The following KCNJ6 variants were observed in gnomAD, a reference collection of about 807,000 sequenced individuals.
KCNJ6 encodes potassium inwardly rectifying channel subfamily J member 6.
A neutral mutation model predicts 34.2 loss-of-function variants in KCNJ6; 9 were observed. The observed-to-expected ratio is 0.26, with a 90% confidence interval of 0.16 to 0.46. The LOEUF (loss-of-function observed/expected upper bound fraction) is 0.46, where lower values mean the gene tolerates loss of function less well. Ranked by LOEUF, KCNJ6 falls within the 20% of genes least tolerant of loss-of-function variation. KCNJ6 has a pLI of 1.00. For synonymous variants in KCNJ6, 196 were observed against 207.1 expected (o/e 0.95, Z 0.46); for missense variants, 236 against 531.3 (o/e 0.44, Z 5.46).
intron 3 of KCNJ6, among the ~76,000 whole-genome samples, chr21:37,713,170 G>T (rs2054771423): frequency 6.6e-6 from 1 of 152,128 alleles, no homozygotes; most frequent in Non-Finnish European, 1.5e-5. Flanking sequence ...GGGATCACAG[G>T]ATTAAGTTAC....
At chr21:37,821,695 T>G (rs556505869) in intron 2 of KCNJ6, among the ~76,000 whole-genome samples, 6 of 152,214 alleles carry the variant, frequency 3.9e-5, no homozygotes, top group Middle Eastern at 3.2e-3. Flanking sequence ...TATTTCTTTA[T>G]CACTTTCTCA....
intron 2 of KCNJ6, among the ~76,000 whole-genome samples, chr21:37,793,939 C>T (rs987809855): frequency 1.3e-5 from 2 of 152,200 alleles, no homozygotes; most frequent in African/African-American, 4.8e-5. Flanking sequence ...AAGGATAATG[C>T]ATCTATTTTA....
At chr21:37,707,589 T>C (rs1336643415) in intron 3 of KCNJ6, among the ~76,000 whole-genome samples, 1 of 151,614 alleles carries the variant, frequency 6.6e-6, no homozygotes. Context: ...AGAAGTTAAT[T>C]TGGAAAAAGA....
chr21:37,873,937 C>T (rs1056721831), intron 1 of KCNJ6, among the ~76,000 whole-genome samples: 4 of 152,194 alleles, frequency 2.6e-5, no homozygotes, highest in Non-Finnish European at 4.4e-5. Context: ...GCTGTTACCA[C>T]TCCACCCTGC....
intron 2 of KCNJ6, among the ~76,000 whole-genome samples, chr21:37,741,732 C>T (rs1299170382): frequency 6.6e-6 from 1 of 152,234 alleles, no homozygotes; most frequent in Non-Finnish European, 1.5e-5. Flanking sequence ...GCACCAACGC[C>T]AGCCCAGGAT....
intron 1 of KCNJ6, among the ~76,000 whole-genome samples, chr21:37,856,649 C>T (rs2055566712): frequency 6.6e-6 from 1 of 152,028 alleles, no homozygotes; most frequent in Admixed American, 6.6e-5. Flanking sequence ...ATAAAGGAGG[C>T]AAATGTGACA....
intron 2 of KCNJ6, among the ~76,000 whole-genome samples, chr21:37,772,215 C>T (rs2055120892): frequency 6.6e-6 from 1 of 152,140 alleles, no homozygotes; most frequent in East Asian, 1.9e-4. Flanking sequence ...AAAGGATATT[C>T]ATGTCCTAAT....
intron 1 of KCNJ6, among the ~76,000 whole-genome samples, chr21:37,888,744 C>T (rs181603493): frequency 2.6e-5 from 4 of 152,276 alleles, no homozygotes; most frequent in African/African-American, 9.6e-5. Context: ...CTCATTTGTT[C>T]ATACGTGGCC....
intron 3 of KCNJ6, among the ~76,000 whole-genome samples, chr21:37,652,825 G>A (rs2054439972): frequency 6.6e-6 from 1 of 152,180 alleles, no homozygotes; most frequent in African/African-American, 2.4e-5. Flanking sequence ...GAAAAGGATG[G>A]ACTCAGATGT....
chr21:37,793,176 C>T (rs752883050), intron 2 of KCNJ6, among the ~76,000 whole-genome samples: 64 of 152,256 alleles, frequency 4.2e-4, no homozygotes, highest in Non-Finnish European at 6.8e-4. Flanking sequence ...TAGAATGTTC[C>T]GTATCCATTA....
intron 1 of KCNJ6, among the ~76,000 whole-genome samples, chr21:37,843,547 C>T (rs1056906689): frequency 4.6e-5 from 7 of 152,236 alleles, no homozygotes; most frequent in African/African-American, 1.7e-4. Flanking sequence ...AAAGCATTTA[C>T]ATTTCATTCT....
intron 1 of KCNJ6, among the ~76,000 whole-genome samples, chr21:37,898,916 C>T (rs1483098356): frequency 6.6e-6 from 1 of 152,280 alleles, no homozygotes; most frequent in African/African-American, 2.4e-5. Flanking sequence ...GATGATGACC[C>T]TCTCTTTGCT....
intron 1 of KCNJ6, among the ~76,000 whole-genome samples, chr21:37,908,287 C>T (rs1037356814): frequency 6.6e-6 from 1 of 152,200 alleles, no homozygotes; most frequent in African/African-American, 2.4e-5. Flanking sequence ...TGTTCTTTTG[C>T]TTCTAGTGAA....
intron 3 of KCNJ6, among the ~76,000 whole-genome samples, chr21:37,711,345 C>T (rs778616853): frequency 2.6e-5 from 4 of 152,152 alleles, no homozygotes; most frequent in East Asian, 1.9e-4. Context: ...AAGAGGGCAC[C>T]GCGTGAAGGT....
At chr21:37,895,365 T>C (rs528440408) in intron 1 of KCNJ6, among the ~76,000 whole-genome samples, 2 of 152,322 alleles carry the variant, frequency 1.3e-5, no homozygotes, top group South Asian at 2.1e-4. Flanking sequence ...ATGACCCCAT[T>C]AGTAGCACCT....
At chr21:37,821,431 T>A (rs1218944931) in intron 2 of KCNJ6, among the ~76,000 whole-genome samples, 6 of 152,196 alleles carry the variant, frequency 3.9e-5, no homozygotes, top group Non-Finnish European at 5.9e-5. Flanking sequence ...ATGAAGGACA[T>A]GCAGGTTTGT....
chr21:37,639,613 G>A (rs886394947), intron 3 of KCNJ6, among the ~76,000 whole-genome samples: 3 of 152,150 alleles, frequency 2.0e-5, no homozygotes, highest in African/African-American at 7.2e-5. Flanking sequence ...ATTCAGAAAA[G>A]TCTCATTCCC....
chr21:37,868,435 T>A (rs2055633903), intron 1 of KCNJ6, among the ~76,000 whole-genome samples: 1 of 152,172 alleles, frequency 6.6e-6, no homozygotes, highest in African/African-American at 2.4e-5. Context: ...AAATTATACA[T>A]CTTATCAAGA....
chr21:37,897,757 T>TG (rs1396712497), intron 1 of KCNJ6, among the ~76,000 whole-genome samples: 1 of 152,238 alleles, frequency 6.6e-6, no homozygotes, highest in Non-Finnish European at 1.5e-5. Context: ...CCGTGCAGAC[T>TG]GGACAATCGC....
Sources: gnomAD v4.1 joint callset for allele counts (sites outside exome capture counted in the v4.1 genomes callset) on GRCh38, gnomAD v4.1.1 for gene constraint, MANE v1.5 for transcripts, NCBI Gene and HGNC (gene_info 2026-07-23, HGNC 2026-07-21) for gene names.